Variants in INPP4A observed in about 807,000 individuals in gnomAD.
INPP4A encodes inositol polyphosphate-4-phosphatase type I A.
A neutral mutation model predicts 119.8 loss-of-function variants in INPP4A; 33 were observed. The observed-to-expected ratio is 0.28, with a 90% CI of 0.21 to 0.37. INPP4A has a LOEUF of 0.37. Ranked by LOEUF, INPP4A falls within the 10% of genes least tolerant of loss-of-function variation. The probability of loss-of-function intolerance (pLI) is 1.00; values close to 1 mark genes in which losing one functional copy is unlikely to be tolerated. For synonymous variants in INPP4A, 496 were observed against 500.7 expected (o/e 0.99, Z 0.12); for missense variants, 956 against 1,289.9 (o/e 0.74, Z 3.97).
At chr2:98,556,581 C>T (rs1378967928) in intron 16 of INPP4A, among the ~76,000 whole-genome samples, 2 of 152,222 alleles carry the variant, frequency 1.3e-5, no homozygotes, top group African/African-American at 4.8e-5. Flanking sequence ...GAGACTTGCC[C>T]ACAGACCTAG....
At chr2:98,447,872 C>A (rs1022396887) in intron 1 of INPP4A, among the ~76,000 whole-genome samples, 1 of 151,822 alleles carries the variant, frequency 6.6e-6, no homozygotes, top group African/African-American at 2.4e-5. Context: ...ACGGTGAAAC[C>A]CTATCTCTAC....
intron 1 of INPP4A, among the ~76,000 whole-genome samples, chr2:98,447,751 C>G (rs1225406204): frequency 6.6e-6 from 1 of 152,100 alleles, no homozygotes; most frequent in African/African-American, 2.4e-5. Context: ...AAATACTTCA[C>G]TGTGTATTTC....
chr2:98,484,398 A>G (rs1679125993), intron 1 of INPP4A, among the ~76,000 whole-genome samples: 1 of 152,054 alleles, frequency 6.6e-6, no homozygotes, highest in South Asian at 2.1e-4. Context: ...TCCTGCAGTC[A>G]GGGAAGACCA....
chr2:98,495,761 A>T (rs556360432), intron 1 of INPP4A, among the ~76,000 whole-genome samples: 1 of 152,322 alleles, frequency 6.6e-6, no homozygotes, highest in Non-Finnish European at 1.5e-5. Flanking sequence ...GGGTTTTATC[A>T]TGCAGATGCA....
chr2:98,456,648 G>A (rs141513421), intron 1 of INPP4A, among the ~76,000 whole-genome samples: 3 of 152,214 alleles, frequency 2.0e-5, no homozygotes, highest in Non-Finnish European at 2.9e-5. Context: ...CTACTTTTAC[G>A]TTTTTCATTC....
intron 18 of INPP4A, 76 bp from the exon 19 acceptor site, chr2:98,564,564 G>A (rs1696086322): frequency 3.8e-6 from 6 of 1,572,334 alleles, no homozygotes; most frequent in East Asian, 4.5e-5. Flanking sequence ...GGGGCGGTGG[G>A]GGGCTGGGCA....
In INPP4A at chr2:98,520,595, T is replaced by TG. The variant is rs1380837952; in HGVS notation, c.107-86dup. ...CTTGCATGGCAGTTTTTGTTGTTGT[T>TG]GGGGGGAAGTAGAGGGTCATTTGTG... is the stretch of plus-strand genomic sequence containing the variant. On this transcript the variant is annotated intron_variant, in intron 3 of 24. Coordinates refer to ENST00000409851, the MANE Select transcript of INPP4A (RefSeq NM_001134225.2). 1.0e-5 allele frequency: 8 copies of TG among 772,508 alleles called. No individual in the cohort carries two copies. The Admixed American group carries it at 1.1e-4, about 11-fold the overall frequency. 47.9% of individuals were successfully genotyped at this position (772,508 alleles called of 1,614,324 possible).
At chr2:98,465,603 G>T (rs1179016557) in intron 1 of INPP4A, among the ~76,000 whole-genome samples, 1 of 152,140 alleles carries the variant, frequency 6.6e-6, no homozygotes, top group Non-Finnish European at 1.5e-5. Context: ...CATACAGTGG[G>T]CTTAATGAGG....
At chr2:98,504,167 CG>C (rs1418253783) in intron 1 of INPP4A, among the ~76,000 whole-genome samples, 1 of 152,214 alleles carries the variant, frequency 6.6e-6, no homozygotes, top group African/African-American at 2.4e-5. Context: ...TCACCAAACA[CG>C]GAACGCTGAA....
intron 13 of INPP4A, among the ~76,000 whole-genome samples, chr2:98,547,600 A>G (rs529314984): frequency 1.3e-5 from 2 of 152,162 alleles, no homozygotes; most frequent in Non-Finnish European, 2.9e-5. Flanking sequence ...ACCACAAAGT[A>G]GAGGAAGTAG....
rs761277162 is a variant in INPP4A, at chr2:98,566,074, C to G, written c.2325C>G (p.Asp775Glu). ...VRVPLPGPLFDALPREIQSGM... is the reference protein window; with the variant it reads ...VRVPLPGPLFEALPREIQSGM... ...TCCCTCTGCCGGGCCCGCTGTTTGA[C>G]GCCTTGCCCCGGGAGATCCAGAGTG... Residue 775 changes from aspartate (D) to glutamate (E), a missense_variant, in exon 21 of 25, where the codon GAC becomes GAG. By Grantham distance (45) the Asp-to-Glu change is conservative. Coordinates refer to ENST00000409851, the MANE Select transcript of INPP4A (RefSeq NM_001134225.2). This position sits in a 1 kb window ranked among gnomAD's most constrained non-coding sequence, Gnocchi z 4.2. 1.2e-6 allele frequency: 2 copies of G among 1,602,342 alleles called. No homozygotes were observed. Among genetic ancestry groups the G allele is most frequent in the Non-Finnish European group, 1.7e-6 (2 of 1,174,952 alleles).
intron 1 of INPP4A, among the ~76,000 whole-genome samples, chr2:98,507,415 T>C (rs1431949084): frequency 6.6e-6 from 1 of 152,234 alleles, no homozygotes; most frequent in Admixed American, 6.5e-5. Context: ...ATTTGACCAT[T>C]CTGTTTAAAG....
chr2:98,492,838 CT>C (rs1681119019), intron 1 of INPP4A, among the ~76,000 whole-genome samples: 1 of 152,348 alleles, frequency 6.6e-6, no homozygotes, highest in Non-Finnish European at 1.5e-5. Context: ...CAAGTACTGA[CT>C]TTGGATCTTG....
intron 1 of INPP4A, among the ~76,000 whole-genome samples, chr2:98,460,021 C>T (rs1006497181): frequency 3.9e-5 from 6 of 152,174 alleles, no homozygotes; most frequent in Non-Finnish European, 7.3e-5. Context: ...GGCACACAAG[C>T]CCTTTTGTCC....
At chr2:98,531,801 T>TA (rs1192692675) in intron 4 of INPP4A, among the ~76,000 whole-genome samples, 3 of 152,340 alleles carry the variant, frequency 2.0e-5, no homozygotes, top group Admixed American at 2.0e-4. Flanking sequence ...GCACCACACT[T>TA]ACAGTATAAA....
chr2:98,554,923 C>T lies in INPP4A; in HGVS notation c.1566+434C>T, dbSNP rs1316835671. 5.3e-5 allele frequency among the ~76,000 whole-genome samples: 8 copies of T among 152,152 alleles called. No individual in the cohort carries two copies. Among genetic ancestry groups the T allele is most frequent in the East Asian group, 1.9e-4 (1 of 5,194 alleles). On this transcript the variant is annotated intron_variant, in intron 15 of 24. Coordinates refer to ENST00000409851, the MANE Select transcript of INPP4A (RefSeq NM_001134225.2). This position sits in a 1 kb window ranked among gnomAD's most constrained non-coding sequence, Gnocchi z 4.7. ...AAGTAGATATGGATTTTGGAGCTGCCGCCCTGACATTACATCACATTATTG... is the reference window on the plus strand; with the variant it reads ...AAGTAGATATGGATTTTGGAGCTGCTGCCCTGACATTACATCACATTATTG...
At chr2:98,511,637 C>T (rs1321277771) in intron 1 of INPP4A, among the ~76,000 whole-genome samples, 1 of 152,110 alleles carries the variant, frequency 6.6e-6, no homozygotes, top group Non-Finnish European at 1.5e-5. Flanking sequence ...ACCTCACTTC[C>T]CTGGGAGTCC....
intron 13 of INPP4A, among the ~76,000 whole-genome samples, chr2:98,548,206 GT>G (rs1452970690): frequency 2.0e-5 from 3 of 152,194 alleles, no homozygotes; most frequent in African/African-American, 7.2e-5. Context: ...CCAGAGCCCG[GT>G]GAGTCCCGGA....
intron 1 of INPP4A, among the ~76,000 whole-genome samples, chr2:98,456,319 A>G (rs1156806353): frequency 6.6e-5 from 10 of 152,082 alleles, no homozygotes; most frequent in Admixed American, 3.3e-4. Context: ...TGCCATTGCT[A>G]AAAGCTTTTA....
Sources: allele counts gnomAD v4.1 joint callset (sites outside exome capture counted in the v4.1 genomes callset), GRCh38; gene constraint gnomAD v4.1.1; non-coding constraint Gnocchi (gnomAD v3.1); transcripts MANE v1.5; gene names NCBI Gene and HGNC (gene_info 2026-07-23, HGNC 2026-07-21).